TNP1: variants seen among roughly 807,000 people sequenced by gnomAD.
TNP1 encodes the protein spermatid nuclear transition protein 1.
Under a neutral mutation model 5.8 loss-of-function variants are expected in TNP1, and 1 was observed. The ratio of observed to expected loss-of-function variants is 0.17; its 90% CI spans 0.06 to 0.82. TNP1 has a LOEUF of 0.82. Among genes scored for constraint, TNP1 ranks in the 40% least tolerant of loss-of-function variants. The pLI is 0.72. For synonymous variants in TNP1, 22 were observed against 25.3 expected (o/e 0.87, Z 0.40); for missense variants, 71 against 75.5 (o/e 0.94, Z 0.22).
chr2:216,859,891 C>A lies in TNP1; in HGVS notation c.139+5G>T, dbSNP rs1168999265. 2 of 1,614,244 alleles carry A rather than the reference C, an allele frequency of 1.2e-6. No homozygotes were observed. Among genetic ancestry groups the A allele is most frequent in the South Asian group, 2.2e-5 (2 of 91,088 alleles). On this transcript the variant is annotated splice_donor_5th_base_variant and intron_variant, in intron 1 of 1. Transcript: ENST00000236979. ...TTGGCAATCTCCTCCCCATCCCTCA[C>A]TCACCGTCATCGCCCCGTTTCCTAC...
At chr2:216,859,789 A>T in intron 1 of TNP1, 94 bp from the exon 2 acceptor site, 1 of 1,613,772 alleles carries the variant, frequency 6.2e-7, no homozygotes, top group East Asian at 2.2e-5. Flanking sequence ...TATTGGAAAT[A>T]ATCTCAGGCC....
At position 216,859,881 on chromosome 2, in the gene TNP1, C is replaced by G. The variant is rs1688883464; in HGVS notation, c.139+15G>C. ...GTGCCTAAGTTTGGCAATCTCCTCCCCATCCCTCACTCACCGTCATCGCCC... is the reference window on the plus strand; with the variant it reads ...GTGCCTAAGTTTGGCAATCTCCTCCGCATCCCTCACTCACCGTCATCGCCC... On this transcript the variant is annotated intron_variant, in intron 1 of 1. Transcript: ENST00000236979. 1.9e-6 allele frequency: 3 copies of G among 1,614,226 alleles called. No individual in the cohort carries two copies. The highest frequency in any genetic ancestry group is 1.1e-5 in the South Asian group (1 of 91,080).
rs1383471428 is a variant in TNP1, at chr2:216,859,632, G to A, written c.*35C>T. The A allele has an allele frequency of 1.9e-6, 3 of 1,613,736 alleles. No individual in the cohort carries two copies. Among genetic ancestry groups the A allele is most frequent in the African/African-American group, 2.7e-5 (2 of 75,032 alleles). The stretch of plus-strand genomic sequence containing the variant: ...GCTGTTCTTGTTGCTGCTTGGTGCT[G>A]TGTGAAGCGCACCAGGGCAGAGCCC... On this transcript the variant is annotated 3_prime_UTR_variant, in exon 2 of 2. Transcript: ENST00000236979.
chr2:216,859,586 C>G lies in TNP1; in HGVS notation c.*81G>C. 1 of 1,566,684 alleles carries G rather than the reference C, an allele frequency of 6.4e-7. No homozygotes were observed. The stretch of plus-strand genomic sequence containing the variant: ...CTCTGGCTTTGATCTAACATCAGGT[C>G]TCCTTGGCAGTTCCCCTTCTGCTGT... On this transcript the variant is annotated 3_prime_UTR_variant, in exon 2 of 2. Coordinates refer to ENST00000236979, the MANE Select transcript of TNP1 (RefSeq NM_003284.4).
At position 216,859,921 on chromosome 2, in the gene TNP1, C is replaced by T. The variant is rs1309036875; in HGVS notation, c.114G>A (p.Leu38=). ...GSKRKYRKGN[L]KSRKRGDDAN... is the part of the protein sequence containing the mutation. ...CGTCATCGCCCCGTTTCCTACTTTT[C>T]AGGTTGCCCTTACGGTATTTTCTTT... is the stretch of plus-strand genomic sequence containing the variant. Residue 38 remains leucine (L), a synonymous_variant, in exon 1 of 2, where the codon CTG becomes CTA. Coordinates refer to ENST00000236979, the MANE Select transcript of TNP1 (RefSeq NM_003284.4). 1.2e-6 allele frequency: 2 copies of T among 1,614,222 alleles called. No individual in the cohort carries two copies. Among genetic ancestry groups the T allele is most frequent in the East Asian group, 2.2e-5 (1 of 44,880 alleles).
chr2:216,859,490 G>A lies in TNP1; in HGVS notation c.*177C>T. ...TTTCAAAGTTTTATTGAGATGTTGG[G>A]GAAAAACAGCCAACATATACATTCC... On this transcript the variant is annotated 3_prime_UTR_variant, in exon 2 of 2. Transcript: ENST00000236979. The A allele has an allele frequency of 2.6e-6, 2 of 755,698 alleles. No individual in the cohort carries two copies. The highest frequency in any genetic ancestry group is 2.6e-5 in the Admixed American group (1 of 38,692). The allele number at this position is 755,698 out of a possible 1,614,324, so 46.8% of individuals were successfully genotyped here. A position where few individuals can be genotyped will look rare whatever the true frequency, so the allele number is the denominator to read the frequency against.
chr2:216,859,895 C>CCGTCAT lies in TNP1; in HGVS notation c.134_139dup (p.Asp45_Asp46dup), dbSNP rs775577081. 3 of 1,614,232 alleles carry CCGTCAT rather than the reference C, an allele frequency of 1.9e-6. No individual in the cohort carries two copies. Among genetic ancestry groups the CCGTCAT allele is most frequent in the Non-Finnish European group, 2.5e-6 (3 of 1,180,042 alleles). The stretch of plus-strand genomic sequence containing the variant: ...CAATCTCCTCCCCATCCCTCACTCA[C>CCGTCAT]CGTCATCGCCCCGTTTCCTACTTTT... On this transcript the variant is annotated inframe_insertion and splice_region_variant. Coordinates refer to ENST00000236979, the MANE Select transcript of TNP1 (RefSeq NM_003284.4).
chr2:216,859,511 A>G lies in TNP1; in HGVS notation c.*156T>C, dbSNP rs1574651108. On this transcript the variant is annotated 3_prime_UTR_variant, in exon 2 of 2. Transcript: ENST00000236979. ...TTGGGGAAAAACAGCCAACATATACATTCCTCATTTCGTCACAACTGGCAT... is the reference window on the plus strand; with the variant it reads ...TTGGGGAAAAACAGCCAACATATACGTTCCTCATTTCGTCACAACTGGCAT... 1.1e-6 allele frequency: 1 copy of G among 885,674 alleles called. No individual in the cohort carries two copies. The highest frequency in any genetic ancestry group is 2.3e-5 in the Admixed American group (1 of 44,350). The allele number at this position is 885,674 out of a possible 1,614,324, so 54.9% of individuals were successfully genotyped here. A position where few individuals can be genotyped will look rare whatever the true frequency, so the allele number is the denominator to read the frequency against.
intron 1 of TNP1, 29 bp from the exon 2 acceptor site, chr2:216,859,724 GAC>G: frequency 6.2e-7 from 1 of 1,614,156 alleles, no homozygotes; most frequent in Non-Finnish European, 8.5e-7. Flanking sequence ...TTGCAACAGA[GAC>G]ACGAATTAGA....
chr2:216,859,860 C>A, intron 1 of TNP1, 36 bp downstream of exon 1: 1 of 1,614,232 alleles, frequency 6.2e-7, no homozygotes, highest in Non-Finnish European at 8.5e-7. Context: ...CAATGTGTGC[C>A]TAAGTTTGGC....
chr2:216,859,883 A>T lies in TNP1; in HGVS notation c.139+13T>A. 25 of 1,614,142 alleles carry T rather than the reference A, an allele frequency of 1.5e-5. No individual in the cohort carries two copies. Among genetic ancestry groups the T allele is most frequent in the Non-Finnish European group, 2.0e-5 (24 of 1,180,018 alleles). Reference sequence around the variant, plus strand: ...GCCTAAGTTTGGCAATCTCCTCCCCATCCCTCACTCACCGTCATCGCCCCG... The same window carrying T: ...GCCTAAGTTTGGCAATCTCCTCCCCTTCCCTCACTCACCGTCATCGCCCCG... On this transcript the variant is annotated intron_variant, in intron 1 of 1. Coordinates refer to ENST00000236979, the MANE Select transcript of TNP1 (RefSeq NM_003284.4).
Position 216,859,599 on chromosome 2 carries a change from C to A in TNP1, c.*68G>T. On this transcript the variant is annotated 3_prime_UTR_variant, in exon 2 of 2. Coordinates refer to ENST00000236979, the MANE Select transcript of TNP1 (RefSeq NM_003284.4). Reference sequence around the variant, plus strand: ...CTAACATCAGGTCTCCTTGGCAGTTCCCCTTCTGCTGTTCTTGTTGCTGCT... The same window carrying A: ...CTAACATCAGGTCTCCTTGGCAGTTACCCTTCTGCTGTTCTTGTTGCTGCT... 3.8e-6 allele frequency: 6 copies of A among 1,596,918 alleles called. No homozygotes were observed. In the Admixed American group the frequency reaches 5.0e-5, roughly 13 times the overall value.
At position 216,860,038 on chromosome 2, in the gene TNP1, A is replaced by C; in HGVS notation, c.-4T>G. ...TTAATTTGCGGCTGGTCGACATGGT[A>C]AGTTCTGCCAAAATGAGGGGCTTTG... On this transcript the variant is annotated 5_prime_UTR_variant, in exon 1 of 2. Coordinates refer to ENST00000236979, the MANE Select transcript of TNP1 (RefSeq NM_003284.4). The C allele has an allele frequency of 1.2e-6, 2 of 1,613,892 alleles. No homozygotes were observed. Among genetic ancestry groups the C allele is most frequent in the Non-Finnish European group, 1.7e-6 (2 of 1,180,014 alleles).
At position 216,859,689 on chromosome 2, in the gene TNP1, C is replaced by T. The variant is rs553835924; in HGVS notation, c.146G>A (p.Arg49His). ...GGCTCACAAGTGGGAGCGGTAATTG[C>T]GATTGGCTGTGGGAAAGGACAGGTT... is the stretch of plus-strand genomic sequence containing the variant. ...KSRKRGDDANRNYRSHL is the reference protein window; with the variant it reads ...KSRKRGDDANHNYRSHL Residue 49 changes from arginine (R) to histidine (H), a missense_variant, in exon 2 of 2, where the codon CGC becomes CAC. Transcript: ENST00000236979. 8 of 1,613,978 alleles carry T rather than the reference C, an allele frequency of 5.0e-6. No individual in the cohort carries two copies. The highest frequency in any genetic ancestry group is 1.6e-4 in the Middle Eastern group (1 of 6,084).
In TNP1 at chr2:216,859,563, C is replaced by CT; in HGVS notation, c.*103dup. ...TGATCCACATTCCATAGGCTCCTCT[C>CT]TGGCTTTGATCTAACATCAGGTCTC... On this transcript the variant is annotated 3_prime_UTR_variant, in exon 2 of 2. Transcript: ENST00000236979. 6.9e-7 allele frequency: 1 copy of CT among 1,451,370 alleles called. No homozygotes were observed. The highest frequency in any genetic ancestry group is 9.6e-7 in the Non-Finnish European group (1 of 1,039,852). The allele number at this position is 1,451,370 out of a possible 1,614,324, so 89.9% of individuals were successfully genotyped here.
rs774277088 is a variant in TNP1 at position 216,859,990 on chromosome 2, G to A, written c.45C>T (p.Ser15=). ...CTCCCTTGTGAGGAGATCGGCTCTT[G>A]CTCCTCCTCATGCCATGACTCTTTA... is the stretch of plus-strand genomic sequence containing the variant. ...RKLKSHGMRR[S]KSRSPHKGVK... Residue 15 remains serine (S), a synonymous_variant, in exon 1 of 2, where the codon AGC becomes AGT. Coordinates refer to ENST00000236979, the MANE Select transcript of TNP1 (RefSeq NM_003284.4). The A allele has an allele frequency of 1.2e-6, 2 of 1,614,004 alleles. No homozygotes were observed. The highest frequency in any genetic ancestry group is 1.7e-6 in the Non-Finnish European group (2 of 1,180,040).
At chr2:216,859,763 CA>C in intron 1 of TNP1, 68 bp from the exon 2 acceptor site, 1 of 1,613,656 alleles carries the variant, frequency 6.2e-7, no homozygotes. Context: ...TCTTGTTGCT[CA>C]AATCTGCATT....
chr2:216,859,853 T>C, intron 1 of TNP1, 43 bp downstream of exon 1: 2 of 1,614,202 alleles, frequency 1.2e-6, no homozygotes, highest in South Asian at 1.1e-5. Context: ...CTGGCAGCAA[T>C]GTGTGCCTAA....
chr2:216,859,738 C>T, intron 1 of TNP1, 43 bp from the exon 2 acceptor site: 1 of 1,614,136 alleles, frequency 6.2e-7, no homozygotes, highest in Non-Finnish European at 8.5e-7. Flanking sequence ...CGAATTAGAA[C>T]ATTCCCATCA....
Sources: gnomAD v4.1 joint callset for allele counts on GRCh38, gnomAD v4.1.1 for gene constraint, MANE v1.5 for transcripts, NCBI Gene and HGNC (gene_info 2026-07-23, HGNC 2026-07-21) for gene names.